ZNF362: variants seen among roughly 807,000 people sequenced by gnomAD.
ZNF362 encodes the protein rotund homolog.
Under a neutral mutation model 42.9 loss-of-function variants are expected in ZNF362, and 11 were observed. The observed-to-expected ratio is 0.26, with a 90% CI of 0.16 to 0.42. The LOEUF (loss-of-function observed/expected upper bound fraction) is 0.42. Ranked by LOEUF, ZNF362 falls within the 20% of genes least tolerant of loss-of-function variation. ZNF362 has a pLI of 1.00. For missense variants in ZNF362, 362 were observed against 576.2 expected, an observed-to-expected ratio of 0.63 and a Z score of 3.81; for synonymous variants, 255 against 257.3, an observed-to-expected ratio of 0.99 and a Z score of 0.09.
At chr1:33,297,746 G>A (rs960793329) in intron 8 of ZNF362, among the ~76,000 whole-genome samples, 4 of 151,996 alleles carry the variant, frequency 2.6e-5, no homozygotes, top group African/African-American at 7.3e-5. Flanking sequence ...ATTCCTGACC[G>A]CAGGTGATCC....
the ZNF362 span, among the ~76,000 whole-genome samples, chr1:33,128,548 C>T: frequency 1.1e-3 from 160 of 152,348 alleles, no homozygotes; most frequent in Middle Eastern, 6.8e-3. Context: ...GGGAAAGTCT[C>T]TGCCTAATCT....
the ZNF362 span, chr1:33,147,449 A>G: frequency 6.2e-7 from 1 of 1,613,852 alleles, no homozygotes; most frequent in Non-Finnish European, 8.5e-7. This position sits in a 1 kb window ranked among gnomAD's most constrained non-coding sequence, Gnocchi z 8.1. Context: ...ATGCAGTAGA[A>G]GCCGCGGCTG....
At chr1:33,154,084 C>T in the ZNF362 span, among the ~76,000 whole-genome samples, 3 of 152,182 alleles carry the variant, frequency 2.0e-5, no homozygotes, top group Non-Finnish European at 4.4e-5. Flanking sequence ...TAGAGGGCTG[C>T]AGCCGAAGGG....
the ZNF362 span, among the ~76,000 whole-genome samples, chr1:33,132,651 C>G: frequency 6.6e-6 from 1 of 152,232 alleles, no homozygotes; most frequent in African/African-American, 2.4e-5. Flanking sequence ...ACATGCACTT[C>G]TCATACTCTG....
chr1:33,269,521 T>C (rs976802790), intron 1 of ZNF362, among the ~76,000 whole-genome samples: 2 of 152,210 alleles, frequency 1.3e-5, no homozygotes, highest in African/African-American at 4.8e-5. Context: ...AGTTCCCATG[T>C]GACCATGGGG....
chr1:33,177,037 A>T, the ZNF362 span, among the ~76,000 whole-genome samples: 1 of 74,674 alleles, frequency 1.3e-5, no homozygotes, highest in Non-Finnish European at 2.7e-5. This position sits in a 1 kb window ranked among gnomAD's most constrained non-coding sequence, Gnocchi z 4.1. Context: ...ACACATACAC[A>T]TGCACACACA....
chr1:33,191,638 G>T, the ZNF362 span, among the ~76,000 whole-genome samples: 17 of 152,204 alleles, frequency 1.1e-4, no homozygotes, highest in Admixed American at 7.2e-4. Context: ...CCAAGTAGCT[G>T]GGACTACAGG....
chr1:33,242,857 G>C, the ZNF362 span, among the ~76,000 whole-genome samples: 7 of 152,282 alleles, frequency 4.6e-5, no homozygotes, highest in Admixed American at 6.5e-5. Flanking sequence ...CCAAAGTGCT[G>C]CTTCCTCTCC....
the ZNF362 span, among the ~76,000 whole-genome samples, chr1:33,141,575 C>T: frequency 2.0e-5 from 3 of 152,192 alleles, no homozygotes; most frequent in Admixed American, 6.5e-5. Flanking sequence ...ATGCCAGCTT[C>T]CTGAAAGCCC....
chr1:33,248,951 C>T, the ZNF362 span, among the ~76,000 whole-genome samples: 2 of 152,158 alleles, frequency 1.3e-5, no homozygotes, highest in Non-Finnish European at 2.9e-5. Context: ...TGCTGAGCCC[C>T]CTCACCTTCA....
the ZNF362 span, among the ~76,000 whole-genome samples, chr1:33,226,463 T>A: frequency 1.3e-5 from 2 of 152,192 alleles, no homozygotes; most frequent in Non-Finnish European, 2.9e-5. Context: ...CATAAGCTGA[T>A]GAATGGATAA....
the ZNF362 span, among the ~76,000 whole-genome samples, chr1:33,250,832 GAAGAAGA>G: frequency 2.4e-4 from 31 of 129,266 alleles, no homozygotes; most frequent in Non-Finnish European, 4.0e-4. Flanking sequence ...AAGAAGAAAA[GAAGAAGA>G]AAGAAGAAAG....
At chr1:33,194,152 G>C in the ZNF362 span, among the ~76,000 whole-genome samples, 1 of 152,066 alleles carries the variant, frequency 6.6e-6, no homozygotes, top group Non-Finnish European at 1.5e-5. Flanking sequence ...TGGAGAGAGA[G>C]AATTAGTACA....
At chr1:33,279,230 G>A (rs1365252366) in intron 4 of ZNF362, among the ~76,000 whole-genome samples, 2 of 152,016 alleles carry the variant, frequency 1.3e-5, no homozygotes, top group Non-Finnish European at 2.9e-5. Flanking sequence ...TTGCCACGTT[G>A]CCCAGGCTGG....
chr1:33,225,967 C>T, the ZNF362 span, among the ~76,000 whole-genome samples: 1 of 152,116 alleles, frequency 6.6e-6, no homozygotes, highest in South Asian at 2.1e-4. Context: ...AGTAATGCAT[C>T]ATTAGGTCAT....
At chr1:33,224,811 C>G in the ZNF362 span, among the ~76,000 whole-genome samples, 8 of 152,178 alleles carry the variant, frequency 5.3e-5, no homozygotes, top group Non-Finnish European at 1.0e-4. Flanking sequence ...GAATTATGAA[C>G]TCTATACAGA....
chr1:33,149,630 T>A, the ZNF362 span, among the ~76,000 whole-genome samples: 2 of 151,344 alleles, frequency 1.3e-5, no homozygotes, highest in African/African-American at 4.9e-5. Context: ...AATTTTTAAA[T>A]TTTTCATAGA....
chr1:33,221,541 C>A, the ZNF362 span, among the ~76,000 whole-genome samples: 2 of 152,232 alleles, frequency 1.3e-5, no homozygotes, highest in Admixed American at 1.3e-4. Flanking sequence ...CCAGGCATTT[C>A]TCATCAAGAT....
the ZNF362 span, among the ~76,000 whole-genome samples, chr1:33,228,642 G>A: frequency 2.6e-5 from 4 of 152,226 alleles, no homozygotes; most frequent in South Asian, 2.1e-4. Context: ...AGGAAATGCC[G>A]TCAGCTCTAT....
Sources: gnomAD v4.1 joint callset for allele counts (sites outside exome capture counted in the v4.1 genomes callset) on GRCh38, gnomAD v4.1.1 for gene constraint, Gnocchi (gnomAD v3.1) non-coding constraint, MANE v1.5 for transcripts, NCBI Gene and HGNC (gene_info 2026-07-23, HGNC 2026-07-21) for gene names.